Variants in XRCC4 observed in about 807,000 individuals in gnomAD.
The protein encoded by XRCC4 is DNA repair protein XRCC4.
XRCC4 carries 28 observed loss-of-function variants against 39.1 expected under a neutral mutation model. That is an observed-to-expected ratio of 0.72 (90% CI 0.53 to 0.98). The LOEUF (loss-of-function observed/expected upper bound fraction) is 0.98. XRCC4 is among the 50% of genes least tolerant of loss of function. The pLI, the probability that XRCC4 is intolerant of heterozygous loss-of-function variation, is 0.00. For synonymous variants in XRCC4, 123 were observed against 126.4 expected, an observed-to-expected ratio of 0.97 and a Z score of 0.18; for missense variants, 350 against 376.4, an observed-to-expected ratio of 0.93 and a Z score of 0.58.
downstream of XRCC4, among the ~76,000 whole-genome samples, chr5:83,355,391 T>C (rs975722978): frequency 2.6e-5 from 4 of 152,214 alleles, no homozygotes; most frequent in African/African-American, 9.7e-5. Flanking sequence ...CCATCTGCTT[T>C]ACCTCTCTAT....
intron 7 of XRCC4, among the ~76,000 whole-genome samples, chr5:83,310,611 C>T (rs962934326): frequency 3.3e-5 from 5 of 152,220 alleles, no homozygotes; most frequent in South Asian, 2.1e-4. Context: ...AGGCATAATG[C>T]GATAGGCTGA....
chr5:83,264,333 A>T (rs1250885734), intron 7 of XRCC4, among the ~76,000 whole-genome samples: 4 of 152,094 alleles, frequency 2.6e-5, no homozygotes, highest in Non-Finnish European at 5.9e-5. Flanking sequence ...GAGTTTAGGC[A>T]ATATTCACTC....
intron 3 of XRCC4, among the ~76,000 whole-genome samples, chr5:83,188,389 T>TGTGA (rs1750549143): frequency 6.6e-6 from 1 of 152,100 alleles, no homozygotes; most frequent in African/African-American, 2.4e-5. Context: ...TCAGACATTC[T>TGTGA]GGGTGTTTTT....
In XRCC4 at chr5:83,353,348, CAATTT is replaced by C. The variant is rs1235284272; in HGVS notation, c.*111_*115del. 3 of 845,674 alleles carry C rather than the reference CAATTT, an allele frequency of 3.5e-6. No homozygotes were observed. The African/African-American group carries it at 5.2e-5, about 15-fold the overall frequency. The allele number at this position is 845,674 out of a possible 1,614,324, so 52.4% of individuals were successfully genotyped here. ...CAGCAGCCGCTATTACCGTATCTTA[CAATTT>C]AATTACATACACAGTGAATTGAAAC... On this transcript the variant is annotated 3_prime_UTR_variant, in exon 8 of 8. Coordinates refer to ENST00000396027, the MANE Select transcript of XRCC4 (RefSeq NM_003401.5).
chr5:83,226,404 T>A lies in XRCC4; in HGVS notation c.745+21483T>A, dbSNP rs1401478626. Among the ~76,000 whole-genome samples the A allele has an allele frequency of 2.0e-5, 3 of 152,190 alleles. No homozygotes were observed. The East Asian group carries it at 5.8e-4, about 29-fold the overall frequency. ...AAAGAGAGCATCATACGTTTCTTTTTAAGTCCTTTTTCTATACTGGCCCAA... is the reference window on the plus strand; with the variant it reads ...AAAGAGAGCATCATACGTTTCTTTTAAAGTCCTTTTTCTATACTGGCCCAA... On this transcript the variant is annotated intron_variant, in intron 6 of 7. Transcript: ENST00000396027.
At chr5:83,325,280 T>G (rs1287301947) in intron 7 of XRCC4, among the ~76,000 whole-genome samples, 2 of 152,140 alleles carry the variant, frequency 1.3e-5, no homozygotes, top group African/African-American at 4.8e-5. Flanking sequence ...TAATGGAATC[T>G]GTCCTTAATT....
intron 6 of XRCC4, among the ~76,000 whole-genome samples, chr5:83,217,358 C>CAAAAAAAAAAAAAAAAAAAAAAAAA (rs59416363): frequency 6.2e-5 from 6 of 96,140 alleles, no homozygotes; most frequent in African/African-American, 2.4e-4. Context: ...GACTCCGTCT[C>CAAAAAAAAAAAAAAAAAAAAAAAAA]AAAAAAAAAA....
At chr5:83,099,948 T>C (rs1561324759) in intron 1 of XRCC4, among the ~76,000 whole-genome samples, 1 of 152,170 alleles carries the variant, frequency 6.6e-6, no homozygotes, top group Non-Finnish European at 1.5e-5. Context: ...ACATTCCAAG[T>C]CATCTTTTTT....
chr5:83,265,044 A>G (rs1753907840), intron 7 of XRCC4, among the ~76,000 whole-genome samples: 1 of 152,172 alleles, frequency 6.6e-6, no homozygotes, highest in Non-Finnish European at 1.5e-5. Context: ...GCATGTGCCA[A>G]CTTAAAATGA....
At chr5:83,237,361 A>G (rs532939361) in intron 6 of XRCC4, among the ~76,000 whole-genome samples, 54 of 152,332 alleles carry the variant, frequency 3.5e-4, no homozygotes, top group Admixed American at 2.7e-3. Flanking sequence ...CATGTACACA[A>G]TAGGATATTA....
chr5:83,341,091 T>C (rs1580530693), intron 7 of XRCC4, among the ~76,000 whole-genome samples: 1 of 152,200 alleles, frequency 6.6e-6, no homozygotes, highest in Non-Finnish European at 1.5e-5. Context: ...GTGAAGAGAT[T>C]GTGAGAAAAG....
At chr5:83,212,774 A>G (rs1338288301) in intron 6 of XRCC4, among the ~76,000 whole-genome samples, 1 of 151,942 alleles carries the variant, frequency 6.6e-6, no homozygotes, top group Admixed American at 6.6e-5. Context: ...TAAAAATTCA[A>G]AAATTAGCTG....
At chr5:83,352,489 G>C (rs1266463205) in intron 7 of XRCC4, among the ~76,000 whole-genome samples, 1 of 152,112 alleles carries the variant, frequency 6.6e-6, no homozygotes, top group East Asian at 1.9e-4. Flanking sequence ...GTTATCTTAG[G>C]ATTCAAAGAA....
At position 83,077,555 on chromosome 5, in the gene XRCC4, C is replaced by A; in HGVS notation, c.-71C>A. 1 of 579,184 alleles carries A rather than the reference C, an allele frequency of 1.7e-6. No homozygotes were observed. The highest frequency in any genetic ancestry group is 3.1e-6 in the Non-Finnish European group (1 of 323,526). The allele number at this position is 579,184 out of a possible 1,614,324, so 35.9% of individuals were successfully genotyped here. On this transcript the variant is annotated 5_prime_UTR_variant, in exon 1 of 8. Coordinates refer to ENST00000396027, the MANE Select transcript of XRCC4 (RefSeq NM_003401.5). The stretch of plus-strand genomic sequence containing the variant: ...AAGTAGCTGATACTCTCATTGGTTG[C>A]AAAACCTTGATCTGTGAAAGCGGGC...
chr5:83,077,549 T>A lies in XRCC4; in HGVS notation c.-77T>A, dbSNP rs1326204791. The A allele has an allele frequency of 3.4e-6, 2 of 591,582 alleles. No individual in the cohort carries two copies. The highest frequency in any genetic ancestry group is 3.7e-5 in the African/African-American group (2 of 53,826). 36.6% of individuals were successfully genotyped at this position (591,582 alleles called of 1,614,324 possible). ...CGGCGGAAGTAGCTGATACTCTCAT[T>A]GGTTGCAAAACCTTGATCTGTGAAA... On this transcript the variant is annotated 5_prime_UTR_variant, in exon 1 of 8. Coordinates refer to ENST00000396027, the MANE Select transcript of XRCC4 (RefSeq NM_003401.5).
At chr5:83,367,258 TACA>T in the XRCC4 span, among the ~76,000 whole-genome samples, 1 of 152,224 alleles carries the variant, frequency 6.6e-6, no homozygotes, top group African/African-American at 2.4e-5. Flanking sequence ...TTGTCTAAAG[TACA>T]ACATCAGACT....
At chr5:83,366,415 T>C in the XRCC4 span, among the ~76,000 whole-genome samples, 9 of 152,192 alleles carry the variant, frequency 5.9e-5, no homozygotes, top group African/African-American at 1.9e-4. Context: ...GAATTAAATT[T>C]TTTTTCTATC....
At chr5:83,202,014 C>A (rs1322567720) in intron 4 of XRCC4, 2 of 145,658 alleles carry the variant, frequency 1.4e-5, no homozygotes, top group African/African-American at 5.1e-5. Flanking sequence ...TGCCCTCCAG[C>A]CTGGGCAACA....
At chr5:83,167,899 G>T (rs1749556618) in intron 3 of XRCC4, among the ~76,000 whole-genome samples, 1 of 152,044 alleles carries the variant, frequency 6.6e-6, no homozygotes, top group African/African-American at 2.4e-5. Context: ...ACAAGACAAA[G>T]GAGATTTATT....
Sources: allele counts gnomAD v4.1 joint callset (sites outside exome capture counted in the v4.1 genomes callset), GRCh38; gene constraint gnomAD v4.1.1; transcripts MANE v1.5; gene names NCBI Gene and HGNC (gene_info 2026-07-23, HGNC 2026-07-21).